BTBD9: variants seen among roughly 807,000 people sequenced by gnomAD.
BTBD9 encodes BTB/POZ domain-containing protein 9.
Under a neutral mutation model 64.3 loss-of-function variants are expected in BTBD9, and 49 were observed. The ratio of observed to expected loss-of-function variants is 0.76; its 90% confidence interval spans 0.61 to 0.97. BTBD9 has a LOEUF of 0.97. BTBD9 is among the 50% of genes least tolerant of loss of function. BTBD9 has a pLI of 0.00. For missense variants in BTBD9, 598 were observed against 762.1 expected (o/e 0.78, Z 2.53); for synonymous variants, 260 against 274.7 (o/e 0.95, Z 0.53).
intron 8 of BTBD9, among the ~76,000 whole-genome samples, chr6:38,264,736 G>A (rs1230638752): frequency 6.6e-6 from 1 of 152,206 alleles, no homozygotes; most frequent in South Asian, 2.1e-4. Context: ...AGAGCTGCTG[G>A]AGGACGCTGA....
chr6:38,459,178 C>T (rs1045443486), intron 6 of BTBD9, among the ~76,000 whole-genome samples: 6 of 152,088 alleles, frequency 3.9e-5, no homozygotes, highest in African/African-American at 1.2e-4. Flanking sequence ...ACCACCACGC[C>T]TGGCTAATTT....
At chr6:38,548,422 T>C (rs757744792) in intron 6 of BTBD9, among the ~76,000 whole-genome samples, 9 of 152,224 alleles carry the variant, frequency 5.9e-5, no homozygotes, top group Non-Finnish European at 1.2e-4. Flanking sequence ...CTGTTCTCTT[T>C]TCGGGCTAGA....
intron 6 of BTBD9, among the ~76,000 whole-genome samples, chr6:38,506,460 G>T (rs530045302): frequency 6.6e-6 from 1 of 152,336 alleles, no homozygotes; most frequent in South Asian, 2.1e-4. Flanking sequence ...TGGCTGAGCT[G>T]CAGGGCTTGC....
At chr6:38,280,009 A>AT (rs149272095) in intron 8 of BTBD9, among the ~76,000 whole-genome samples, 5,851 of 148,740 alleles carry the variant, frequency 0.039, 154 homozygotes, top group Non-Finnish European at 0.054. Context: ...ACACAAACAT[A>AT]TTTTTTTTTT....
chr6:38,595,981 T>C (rs762872311), intron 2 of BTBD9: 3 of 985,424 alleles, frequency 3.0e-6, no homozygotes, highest in Non-Finnish European at 3.6e-6. Flanking sequence ...CTTGGAACAA[T>C]AAACATGAAC....
At chr6:38,600,328 G>A (rs532222052) in intron 1 of BTBD9, among the ~76,000 whole-genome samples, 38 of 152,266 alleles carry the variant, frequency 2.5e-4, no homozygotes, top group African/African-American at 8.9e-4. Context: ...GATTAGACTC[G>A]CAGGTCATAG....
At chr6:38,595,016 T>A (rs1179636580) in intron 2 of BTBD9, among the ~76,000 whole-genome samples, 1 of 152,150 alleles carries the variant, frequency 6.6e-6, no homozygotes, top group Non-Finnish European at 1.5e-5. Flanking sequence ...TTAAAAAAAC[T>A]GTGATATACG....
intron 6 of BTBD9, among the ~76,000 whole-genome samples, chr6:38,382,994 A>G (rs1432255796): frequency 6.6e-6 from 1 of 152,180 alleles, no homozygotes; most frequent in Admixed American, 6.5e-5. Context: ...ATATATACAA[A>G]TTCCTCCAGG....
intron 6 of BTBD9, among the ~76,000 whole-genome samples, chr6:38,420,000 A>G (rs1482901931): frequency 6.6e-6 from 1 of 152,224 alleles, no homozygotes; most frequent in Non-Finnish European, 1.5e-5. Context: ...GACCTGAAAT[A>G]GTCAAAACTG....
intron 6 of BTBD9, among the ~76,000 whole-genome samples, chr6:38,467,861 A>T (rs924511944): frequency 6.6e-6 from 1 of 152,184 alleles, no homozygotes; most frequent in African/African-American, 2.4e-5. Flanking sequence ...CCAAAATGTC[A>T]TTCAAATCTG....
At chr6:38,635,632 T>C (rs1582749276) in intron 1 of BTBD9, among the ~76,000 whole-genome samples, 1 of 152,190 alleles carries the variant, frequency 6.6e-6, no homozygotes, top group East Asian at 1.9e-4. Context: ...CATGATCAGT[T>C]CAGCCCCCTT....
chr6:38,603,942 T>C (rs1777341678), intron 1 of BTBD9, among the ~76,000 whole-genome samples: 5 of 152,328 alleles, frequency 3.3e-5, no homozygotes, highest in Admixed American at 3.3e-4. Flanking sequence ...AGATAAATGA[T>C]GTCCTGTCTG....
chr6:38,347,093 C>T (rs1220860328), intron 6 of BTBD9, among the ~76,000 whole-genome samples: 2 of 152,106 alleles, frequency 1.3e-5, no homozygotes, highest in Non-Finnish European at 2.9e-5. Flanking sequence ...TTTTAAAACA[C>T]TATATGGAAT....
At chr6:38,328,004 C>G (rs570188941) in intron 7 of BTBD9, among the ~76,000 whole-genome samples, 1 of 152,334 alleles carries the variant, frequency 6.6e-6, no homozygotes, top group South Asian at 2.1e-4. Flanking sequence ...CCTGCACATC[C>G]TGCCTTGTCC....
chr6:38,232,274 CTTT>C (rs990677793), intron 9 of BTBD9, among the ~76,000 whole-genome samples: 4 of 140,752 alleles, frequency 2.8e-5, no homozygotes, highest in African/African-American at 2.6e-5. Flanking sequence ...TCTCTGTTTT[CTTT>C]TTTTTTTTTT....
At chr6:38,259,241 C>G (rs1274813798) in intron 8 of BTBD9, among the ~76,000 whole-genome samples, 1 of 152,206 alleles carries the variant, frequency 6.6e-6, no homozygotes, top group African/African-American at 2.4e-5. Context: ...CAACCTCTAA[C>G]CTATCACTCT....
intron 9 of BTBD9, among the ~76,000 whole-genome samples, chr6:38,228,341 T>TCCC (rs756495862): frequency 0.01 from 692 of 66,894 alleles, 36 homozygotes; most frequent in African/African-American, 0.024. Flanking sequence ...CAAGACCCTG[T>TCCC]CCCCCCCCCC....
chr6:38,354,617 C>T (rs1243483970), intron 6 of BTBD9, among the ~76,000 whole-genome samples: 3 of 152,074 alleles, frequency 2.0e-5, no homozygotes, highest in East Asian at 1.9e-4. Context: ...GCATTGAAGT[C>T]CCACCTATGC....
At chr6:38,289,500 T>C (rs2127556194) in intron 7 of BTBD9, among the ~76,000 whole-genome samples, 1 of 152,362 alleles carries the variant, frequency 6.6e-6, no homozygotes, top group South Asian at 2.1e-4. Context: ...TATTTTCTAT[T>C]ATTCTGAATA....
Sources: gnomAD v4.1 joint callset for allele counts (sites outside exome capture counted in the v4.1 genomes callset) on GRCh38, gnomAD v4.1.1 for gene constraint, MANE v1.5 for transcripts, NCBI Gene and HGNC (gene_info 2026-07-23, HGNC 2026-07-21) for gene names.